Variants in HPSE2 observed in about 807,000 individuals in gnomAD.
HPSE2 encodes inactive heparanase-2.
A neutral mutation model predicts 60.5 loss-of-function variants in HPSE2; 38 were observed. The ratio of observed to expected loss-of-function variants is 0.63; its 90% CI spans 0.48 to 0.82. The LOEUF (loss-of-function observed/expected upper bound fraction) is 0.82, where lower values mean the gene tolerates loss of function less well. Among genes scored for constraint, HPSE2 ranks in the 40% least tolerant of loss-of-function variants. The pLI, the probability that HPSE2 is intolerant of heterozygous loss-of-function variation, is 0.00. For synonymous variants in HPSE2, 295 were observed against 293.2 expected, an observed-to-expected ratio of 1.01 and a Z score of -0.06; for missense variants, 713 against 740.4, an observed-to-expected ratio of 0.96 and a Z score of 0.43.
chr10:99,075,663 CTCTT>C (rs1842930769), intron 3 of HPSE2, among the ~76,000 whole-genome samples: 2 of 152,100 alleles, frequency 1.3e-5, no homozygotes, highest in African/African-American at 2.4e-5. Flanking sequence ...ATCCACTTCT[CTCTT>C]CAATTCTGTC....
At chr10:98,618,931 C>A (rs969408453) in intron 8 of HPSE2, among the ~76,000 whole-genome samples, 1 of 152,182 alleles carries the variant, frequency 6.6e-6, no homozygotes, top group Non-Finnish European at 1.5e-5. Flanking sequence ...AGGTGACTCA[C>A]TCCACTTCAT....
At chr10:98,788,572 G>C in intron 3 of HPSE2, among the ~76,000 whole-genome samples, 1 of 152,018 alleles carries the variant, frequency 6.6e-6, no homozygotes, top group Non-Finnish European at 1.5e-5. Flanking sequence ...TTTGATCTCA[G>C]ACTGCTGTGC....
chr10:99,106,389 A>C (rs866180752), intron 3 of HPSE2, among the ~76,000 whole-genome samples: 4 of 152,144 alleles, frequency 2.6e-5, no homozygotes, highest in Admixed American at 6.6e-5. Flanking sequence ...TTTTATTATA[A>C]ATGTTGGGTT....
the HPSE2 span, among the ~76,000 whole-genome samples, chr10:99,285,224 T>G: frequency 6.7e-6 from 1 of 149,742 alleles, no homozygotes; most frequent in South Asian, 2.1e-4. Flanking sequence ...AGCCCAGGAG[T>G]CTGAGACCAG....
chr10:98,900,361 T>C (rs1193261487), intron 3 of HPSE2, among the ~76,000 whole-genome samples: 3 of 151,858 alleles, frequency 2.0e-5, no homozygotes, highest in East Asian at 1.9e-4. Flanking sequence ...TTCAAGAAAA[T>C]ACAAACTAAT....
chr10:98,959,693 C>T (rs1216359191), intron 3 of HPSE2, among the ~76,000 whole-genome samples: 3 of 152,080 alleles, frequency 2.0e-5, no homozygotes, highest in African/African-American at 2.4e-5. Context: ...TTCACATCTG[C>T]GGAGGCATTT....
chr10:99,266,729 A>T, the HPSE2 span, among the ~76,000 whole-genome samples: 2 of 151,874 alleles, frequency 1.3e-5, no homozygotes, highest in Admixed American at 1.3e-4. Flanking sequence ...ACAACTAAAA[A>T]CCCTGACAGA....
chr10:98,983,356 G>A (rs1328676219), intron 3 of HPSE2, among the ~76,000 whole-genome samples: 2 of 152,124 alleles, frequency 1.3e-5, no homozygotes, highest in Admixed American at 6.5e-5. Context: ...AGTGTACTCC[G>A]TAATCTCGTT....
chr10:99,160,881 A>T (rs1467751032), intron 2 of HPSE2, among the ~76,000 whole-genome samples: 98 of 131,574 alleles, frequency 7.4e-4, no homozygotes, highest in African/African-American at 2.6e-3. Flanking sequence ...CCTGGGCGAC[A>T]CAGCGAGACT....
intron 3 of HPSE2, among the ~76,000 whole-genome samples, chr10:99,066,202 A>G (rs1372221419): frequency 2.6e-5 from 4 of 152,178 alleles, no homozygotes; most frequent in Non-Finnish European, 5.9e-5. Context: ...CAAGATTACA[A>G]ACTGTTACTA....
At chr10:99,242,722 T>C in the HPSE2 span, among the ~76,000 whole-genome samples, 2 of 152,300 alleles carry the variant, frequency 1.3e-5, no homozygotes, top group African/African-American at 4.8e-5. Flanking sequence ...TAATTCCCAA[T>C]TTAATATCTG....
chr10:98,628,251 G>A (rs1185672804), intron 7 of HPSE2, among the ~76,000 whole-genome samples: 2 of 152,180 alleles, frequency 1.3e-5, no homozygotes, highest in Non-Finnish European at 2.9e-5. Context: ...TACAGACACT[G>A]AAGCTGGGTG....
intron 7 of HPSE2, among the ~76,000 whole-genome samples, chr10:98,630,730 T>C (rs978409277): frequency 3.3e-5 from 5 of 152,132 alleles, no homozygotes; most frequent in Admixed American, 6.5e-5. Flanking sequence ...GCATGCCCTA[T>C]AGAATGCTTG....
chr10:99,311,120 T>C, the HPSE2 span, among the ~76,000 whole-genome samples: 1 of 152,224 alleles, frequency 6.6e-6, no homozygotes, highest in South Asian at 2.1e-4. Flanking sequence ...TTTTAACTTT[T>C]TTGACCATAA....
chr10:98,821,708 C>T (rs1193114213), intron 3 of HPSE2, among the ~76,000 whole-genome samples: 1 of 152,154 alleles, frequency 6.6e-6, no homozygotes, highest in Admixed American at 6.6e-5. Context: ...TTTTAACCTC[C>T]AGAGGGAACC....
At chr10:98,719,701 TA>T (rs562725586) in intron 5 of HPSE2, among the ~76,000 whole-genome samples, 1,448 of 107,230 alleles carry the variant, frequency 0.014, 13 homozygotes, top group African/African-American at 0.037. Flanking sequence ...GATGTTGCAT[TA>T]AAAAAAAAAA....
chr10:99,087,490 C>T (rs570454662), intron 3 of HPSE2, among the ~76,000 whole-genome samples: 1 of 152,368 alleles, frequency 6.6e-6, no homozygotes, highest in East Asian at 1.9e-4. Flanking sequence ...ATATTCCTAA[C>T]ATGACTGCTG....
chr10:98,476,234 A>T (rs1941011534), intron 11 of HPSE2, among the ~76,000 whole-genome samples: 1 of 148,420 alleles, frequency 6.7e-6, no homozygotes, highest in Non-Finnish European at 1.5e-5. Context: ...CAAAAAACCA[A>T]ACACTGCATG....
intron 3 of HPSE2, among the ~76,000 whole-genome samples, chr10:98,930,129 C>T (rs765216232): frequency 7.0e-6 from 1 of 143,522 alleles, no homozygotes; most frequent in African/African-American, 2.8e-5. Context: ...TTCTCTAATG[C>T]TTCCCCCCTC....
Sources: allele counts gnomAD v4.1 joint callset (sites outside exome capture counted in the v4.1 genomes callset), GRCh38; gene constraint gnomAD v4.1.1; transcripts MANE v1.5; gene names NCBI Gene and HGNC (gene_info 2026-07-23, HGNC 2026-07-21).